The following AFG2A variants were observed in gnomAD, a reference collection of about 807,000 sequenced individuals.
AFG2A encodes AAA ATPase AFG2A.
chr4:123,009,362 G>A, the AFG2A span, among the ~76,000 whole-genome samples: 132,786 of 152,178 alleles, frequency 0.87, 58,232 homozygotes, highest in East Asian at 0.96. Context: ...CAGGGCAAAA[G>A]CAAGCATTCA....
chr4:123,078,262 GA>G, the AFG2A span, among the ~76,000 whole-genome samples: 3 of 152,222 alleles, frequency 2.0e-5, no homozygotes, highest in East Asian at 3.9e-4. Flanking sequence ...TCAAACAAGA[GA>G]AATCTGTTTT....
chr4:123,040,700 G>A, the AFG2A span, among the ~76,000 whole-genome samples: 1 of 152,228 alleles, frequency 6.6e-6, no homozygotes, highest in Non-Finnish European at 1.5e-5. Context: ...AGAAGTATGA[G>A]AACATTTTGC....
chr4:123,060,669 G>A, the AFG2A span, among the ~76,000 whole-genome samples: 2 of 152,104 alleles, frequency 1.3e-5, no homozygotes, highest in African/African-American at 2.4e-5. Flanking sequence ...TCCCTCCTAG[G>A]TTTGCAGGCC....
chr4:123,157,050 C>T, the AFG2A span, among the ~76,000 whole-genome samples: 3 of 151,786 alleles, frequency 2.0e-5, no homozygotes, highest in Non-Finnish European at 4.4e-5. Flanking sequence ...GAGTCTTGCT[C>T]TGTTGCTCAG....
At chr4:123,175,112 TA>T in the AFG2A span, among the ~76,000 whole-genome samples, 1 of 152,244 alleles carries the variant, frequency 6.6e-6, no homozygotes, top group South Asian at 2.1e-4. Context: ...AAGAACTTCT[TA>T]AACCCTACTG....
chr4:122,994,326 A>T, the AFG2A span, among the ~76,000 whole-genome samples: 2 of 152,254 alleles, frequency 1.3e-5, no homozygotes, highest in East Asian at 3.9e-4. Flanking sequence ...TTTATCTACT[A>T]TTAAAAATTC....
At chr4:123,225,765 G>A in the AFG2A span, among the ~76,000 whole-genome samples, 2 of 152,184 alleles carry the variant, frequency 1.3e-5, no homozygotes, top group Non-Finnish European at 2.9e-5. Flanking sequence ...TTGGTAGTTT[G>A]ATGGGGATGG....
chr4:123,257,622 C>T, the AFG2A span, among the ~76,000 whole-genome samples: 1 of 152,150 alleles, frequency 6.6e-6, no homozygotes, highest in Non-Finnish European at 1.5e-5. Context: ...TTATGACCAT[C>T]CATAAAGTTA....
the AFG2A span, among the ~76,000 whole-genome samples, chr4:123,217,873 G>T: frequency 6.6e-6 from 1 of 152,176 alleles, no homozygotes; most frequent in South Asian, 2.1e-4. Context: ...TATTCACTGA[G>T]AAGGAAATGA....
At chr4:123,018,587 C>CT in the AFG2A span, among the ~76,000 whole-genome samples, 1 of 152,078 alleles carries the variant, frequency 6.6e-6, no homozygotes. Context: ...TCTCTACAGA[C>CT]TAACTTTTCC....
At chr4:123,028,235 A>C in the AFG2A span, 14 of 1,614,022 alleles carry the variant, frequency 8.7e-6, no homozygotes, top group South Asian at 1.5e-4. Flanking sequence ...CTGAAGTTGG[A>C]ACAGGCTGTG....
chr4:123,143,908 A>G, the AFG2A span, among the ~76,000 whole-genome samples: 1 of 151,480 alleles, frequency 6.6e-6, no homozygotes, highest in South Asian at 2.1e-4. Flanking sequence ...TCAGTCAGAA[A>G]GTCAGGCCTC....
chr4:123,077,100 T>G, the AFG2A span, among the ~76,000 whole-genome samples: 1 of 146,854 alleles, frequency 6.8e-6, no homozygotes, highest in South Asian at 2.2e-4. Context: ...CAGGCTGGAG[T>G]GCAGTGGCGC....
At chr4:123,155,787 A>AC in the AFG2A span, among the ~76,000 whole-genome samples, 1 of 152,174 alleles carries the variant, frequency 6.6e-6, no homozygotes, top group African/African-American at 2.4e-5. Flanking sequence ...AGGTCCTGGA[A>AC]CCAATCCCTC....
chr4:123,059,873 G>T, the AFG2A span, among the ~76,000 whole-genome samples: 1 of 152,150 alleles, frequency 6.6e-6, no homozygotes. Flanking sequence ...GTATTTCATT[G>T]TGGTTTTGAT....
At chr4:123,153,099 T>G in the AFG2A span, among the ~76,000 whole-genome samples, 1 of 152,224 alleles carries the variant, frequency 6.6e-6, no homozygotes, top group Non-Finnish European at 1.5e-5. Flanking sequence ...AGTGGGCAAT[T>G]GAGTCATGTC....
chr4:123,081,212 G>A, the AFG2A span, among the ~76,000 whole-genome samples: 41 of 152,266 alleles, frequency 2.7e-4, no homozygotes, highest in Middle Eastern at 3.4e-3. Context: ...TGATACTGTC[G>A]TACAGAATAG....
chr4:123,088,249 T>C, the AFG2A span, among the ~76,000 whole-genome samples: 1 of 152,086 alleles, frequency 6.6e-6, no homozygotes, highest in Non-Finnish European at 1.5e-5. Context: ...AGTTTTTAGG[T>C]TTTACCTTAG....
At chr4:123,153,433 G>C in the AFG2A span, among the ~76,000 whole-genome samples, 3 of 152,278 alleles carry the variant, frequency 2.0e-5, no homozygotes, top group Non-Finnish European at 2.9e-5. Flanking sequence ...TTGATGGGTA[G>C]AGAAGAAAAC....
Sources: gnomAD v4.1 joint callset for allele counts (sites outside exome capture counted in the v4.1 genomes callset) on GRCh38, gnomAD v4.1.1 for gene constraint, MANE v1.5 for transcripts, NCBI Gene and HGNC (gene_info 2026-07-23, HGNC 2026-07-21) for gene names.